The following HERC3 variants were observed in gnomAD, a reference collection of about 807,000 sequenced individuals.
The protein encoded by HERC3 is HECT and RLD domain containing E3 ubiquitin protein ligase 3.
In HERC3, 58 loss-of-function variants were observed where a neutral mutation model predicts 129.9. That is an observed-to-expected ratio of 0.45 (90% CI 0.36 to 0.56). The LOEUF (loss-of-function observed/expected upper bound fraction) is 0.56. Ranked by LOEUF, HERC3 falls within the 20% of genes least tolerant of loss-of-function variation. The pLI is 0.00. For synonymous variants in HERC3, 430 were observed against 451.0 expected, an observed-to-expected ratio of 0.95 and a Z score of 0.59; for missense variants, 835 against 1,244.2, an observed-to-expected ratio of 0.67 and a Z score of 4.95.
intron 22 of HERC3, 44 bp from the exon 23 acceptor site, chr4:88,687,172 TG>T: frequency 6.9e-7 from 1 of 1,445,744 alleles, no homozygotes; most frequent in Non-Finnish European, 9.7e-7. Context: ...GAAAGATGAA[TG>T]GTTAACAAAA....
At chr4:88,671,973 A>G (rs1229325878) in intron 16 of HERC3, among the ~76,000 whole-genome samples, 2 of 152,222 alleles carry the variant, frequency 1.3e-5, no homozygotes, top group African/African-American at 2.4e-5. Flanking sequence ...CAATTTATGA[A>G]TAATTATTCA....
In HERC3 at chr4:88,678,114, G is replaced by A. The variant is rs1732363635; in HGVS notation, c.2176G>A (p.Asp726Asn). 2 of 1,613,588 alleles carry A rather than the reference G, an allele frequency of 1.2e-6. No individual in the cohort carries two copies. The highest frequency in any genetic ancestry group is 2.7e-5 in the African/African-American group (2 of 74,886). ...AGAGCTGAGCATTCATTCTGATATT[G>A]ATTTGAAAAAGCCTCTCAAAGTGAG... ...LRELSIHSDI[D>N]LKKPLKVIFD... Residue 726 changes from aspartate to asparagine, a missense_variant, in exon 19 of 26, where the codon GAT becomes AAT. Physicochemically the swap from Asp to Asn is conservative, Grantham distance 23. Coordinates refer to ENST00000402738, the MANE Select transcript of HERC3 (RefSeq NM_014606.3).
intron 21 of HERC3, among the ~76,000 whole-genome samples, chr4:88,685,297 C>G (rs571576940): frequency 6.6e-6 from 1 of 152,080 alleles, no homozygotes; most frequent in Non-Finnish European, 1.5e-5. Flanking sequence ...CATGCACACA[C>G]GTATGTTTAT....
At position 88,680,242 on chromosome 4, in the gene HERC3, T is replaced by A. The variant is rs775818787; in HGVS notation, c.2340+6T>A. On this transcript the variant is annotated splice_donor_region_variant and intron_variant, in intron 20 of 25. Transcript: ENST00000402738. ...TCTTGTGGTTTTCAGACACGGTAAG[T>A]AAGTGGTGTCACAATTAAACAGATG... 8 of 1,593,058 alleles carry A rather than the reference T, an allele frequency of 5.0e-6. No individual in the cohort carries two copies. Among genetic ancestry groups the A allele is most frequent in the African/African-American group, 1.4e-5 (1 of 73,926 alleles).
At chr4:88,674,823 A>G (rs1428803222) in intron 16 of HERC3, among the ~76,000 whole-genome samples, 2 of 152,132 alleles carry the variant, frequency 1.3e-5, no homozygotes, top group East Asian at 1.9e-4. Flanking sequence ...TGTTTCTTCA[A>G]TTAGTGTTTC....
the HERC3 span, among the ~76,000 whole-genome samples, chr4:88,544,128 C>G: frequency 3.3e-5 from 5 of 152,154 alleles, no homozygotes; most frequent in African/African-American, 1.2e-4. Flanking sequence ...TCAGAGTGAA[C>G]AGGCAACCTA....
At chr4:88,541,192 A>C in the HERC3 span, among the ~76,000 whole-genome samples, 1 of 152,168 alleles carries the variant, frequency 6.6e-6, no homozygotes. Flanking sequence ...TATTCAGGAG[A>C]CCTATCTCAC....
chr4:88,616,970 T>C (rs1724968951), intron 3 of HERC3, among the ~76,000 whole-genome samples: 1 of 152,102 alleles, frequency 6.6e-6, no homozygotes, highest in Admixed American at 6.6e-5. Context: ...AGCCTGCATA[T>C]ATTCCCCAAG....
At chr4:88,636,755 C>T (rs1003001368) in intron 3 of HERC3, among the ~76,000 whole-genome samples, 3 of 152,196 alleles carry the variant, frequency 2.0e-5, no homozygotes, top group African/African-American at 7.2e-5. Context: ...AAACACACCT[C>T]AGCAAATGCA....
chr4:88,532,154 A>C, the HERC3 span, among the ~76,000 whole-genome samples: 2 of 152,226 alleles, frequency 1.3e-5, no homozygotes, highest in African/African-American at 2.4e-5. Flanking sequence ...TATATAGTAA[A>C]GAATAGTGGC....
chr4:88,581,391 A>G, the HERC3 span, among the ~76,000 whole-genome samples: 39,729 of 151,304 alleles, frequency 0.26, 9,720 homozygotes, highest in African/African-American at 0.64. Context: ...ACTGCCTCCC[A>G]GGTTCAAGTG....
At chr4:88,533,968 C>T in the HERC3 span, among the ~76,000 whole-genome samples, 2 of 152,166 alleles carry the variant, frequency 1.3e-5, no homozygotes, top group Non-Finnish European at 2.9e-5. Flanking sequence ...TCCCTTCCTC[C>T]CTCTTTCTAC....
chr4:88,568,079 T>A, the HERC3 span, among the ~76,000 whole-genome samples: 4 of 152,172 alleles, frequency 2.6e-5, no homozygotes. Flanking sequence ...AAGAGAGAAT[T>A]TCCAGGATTA....
intron 3 of HERC3, among the ~76,000 whole-genome samples, chr4:88,620,200 G>T (rs534679383): frequency 6.6e-6 from 1 of 152,098 alleles, no homozygotes. Flanking sequence ...TAAATATAAC[G>T]GGTCACAAGA....
chr4:88,667,546 T>C, intron 13 of HERC3, 58 bp downstream of exon 13: 1 of 885,850 alleles, frequency 1.1e-6, no homozygotes, highest in Non-Finnish European at 1.8e-6. Context: ...ATCGATGAAT[T>C]CAACTTCAAG....
chr4:88,532,694 T>C, the HERC3 span, among the ~76,000 whole-genome samples: 1 of 151,794 alleles, frequency 6.6e-6, no homozygotes, highest in Admixed American at 6.6e-5. Context: ...TAATAGAAAA[T>C]AAAAGGTCCT....
chr4:88,561,055 A>G, the HERC3 span, among the ~76,000 whole-genome samples: 2 of 152,114 alleles, frequency 1.3e-5, no homozygotes, highest in Non-Finnish European at 2.9e-5. Flanking sequence ...CACAATTGTT[A>G]TGGCTATTTG....
chr4:88,665,162 G>A (rs1373027648), intron 12 of HERC3, among the ~76,000 whole-genome samples: 1 of 152,216 alleles, frequency 6.6e-6, no homozygotes, highest in African/African-American at 2.4e-5. Flanking sequence ...ATAGATGGAT[G>A]TATCTAGAGA....
chr4:88,656,165 T>C lies in HERC3; in HGVS notation c.1069+130T>C, dbSNP rs1560726952. 9 of 836,260 alleles carry C rather than the reference T, an allele frequency of 1.1e-5. No homozygotes were observed. In the East Asian group the frequency reaches 2.4e-4, roughly 22 times the overall value. 51.8% of individuals were successfully genotyped at this position (836,260 alleles called of 1,614,324 possible). On this transcript the variant is annotated intron_variant, in intron 9 of 25. Transcript: ENST00000402738. ...AAGATAAGGTATTTTTTAACATCAA[T>C]TAATAATTTCTGTACTTACTATGCA...
Sources: gnomAD v4.1 joint callset for allele counts (sites outside exome capture counted in the v4.1 genomes callset) on GRCh38, gnomAD v4.1.1 for gene constraint, MANE v1.5 for transcripts, NCBI Gene and HGNC (gene_info 2026-07-23, HGNC 2026-07-21) for gene names.